Variants in ATRX observed in about 807,000 individuals in gnomAD.
The protein encoded by ATRX is chromatin remodeler ATRX.
Under a neutral mutation model 172.6 loss-of-function variants are expected in ATRX, and 12 were observed. The observed-to-expected ratio is 0.07, with a 90% CI of 0.04 to 0.11. ATRX has a LOEUF of 0.11. ATRX is among the 10% of genes least tolerant of loss of function. ATRX has a pLI of 1.00. For missense variants in ATRX, 1,368 were observed against 1,767.4 expected (o/e 0.77, Z 4.05); for synonymous variants, 674 against 594.7 (o/e 1.13, Z -1.94).
intron 1 of ATRX, among the ~76,000 whole-genome samples, chrX:77,754,934 A>G (rs1301365677): frequency 9.0e-6 from 1 of 111,636 alleles, no homozygotes; most frequent in East Asian, 2.8e-4. Flanking sequence ...GTGTTTTCCA[A>G]CTTGGGTCCA....
At chrX:77,774,474 G>A (rs1423977008) in intron 1 of ATRX, among the ~76,000 whole-genome samples, 2 of 110,889 alleles carry the variant, frequency 1.8e-5, no homozygotes, top group African/African-American at 3.3e-5. Context: ...TCAGGAGATC[G>A]AGACCATCCT....
At chrX:77,535,357 G>A (rs1344703193) in intron 30 of ATRX, among the ~76,000 whole-genome samples, 1 of 112,031 alleles carries the variant, frequency 8.9e-6, no homozygotes, top group African/African-American at 3.2e-5. Flanking sequence ...CTGCCAAAAT[G>A]ACTTAGGTGG....
chrX:77,726,623 A>T (rs1054322187), intron 1 of ATRX, among the ~76,000 whole-genome samples: 8 of 111,008 alleles, frequency 7.2e-5, no homozygotes, highest in Non-Finnish European at 1.3e-4. Context: ...AAAGTGTAAT[A>T]AAAAAAAATC....
At chrX:77,582,306 G>T (rs147929867) in intron 27 of ATRX, among the ~76,000 whole-genome samples, 1 of 108,811 alleles carries the variant, frequency 9.2e-6, no homozygotes, top group Non-Finnish European at 1.9e-5. Context: ...AGGCTGAGGC[G>T]GAAGAATCAT....
Position 77,688,827 on chromosome X carries a change from A to G in ATRX, c.585T>C (p.Leu195=). 1 of 1,197,141 alleles carries G rather than the reference A, an allele frequency of 8.4e-7. No homozygotes were observed. The highest frequency in any genetic ancestry group is 1.1e-6 in the Non-Finnish European group (1 of 882,300). The change falls in exon 7 of 35, where the codon CTT becomes CTC. Residue 195 remains leucine (L), a synonymous_variant. Transcript: ENST00000373344. ...SIYRHPSLQV[L]ICKNCFKYYM... ...ACAGATCATTACATACCTTACAAAT[A>G]AGAACTTGCAATGAAGGGTGTCTAT...
chrX:77,750,393 A>C (rs72628489), intron 1 of ATRX, among the ~76,000 whole-genome samples: 1 of 111,915 alleles, frequency 8.9e-6, no homozygotes, highest in Non-Finnish European at 1.9e-5. Context: ...ACACAAACGT[A>C]TAACACCACC....
Position 77,609,095 on chromosome X carries a change from G to A in ATRX, c.5566+7518C>T, listed in dbSNP as rs1334698378. ...ATCCAAAAGACAGACAAACGCTGGC[G>A]AGGAGGTGGAGAAAAGGGAACCCAC... On this transcript the variant is annotated intron_variant, in intron 22 of 34. Coordinates refer to ENST00000373344, the MANE Select transcript of ATRX (RefSeq NM_000489.6). 4.5e-5 allele frequency among the ~76,000 whole-genome samples: 5 copies of A among 111,781 alleles called. No homozygotes were observed. In the East Asian group the frequency reaches 1.4e-3, roughly 31 times the overall value.
chrX:77,774,510 G>A (rs946911060), intron 1 of ATRX, among the ~76,000 whole-genome samples: 5 of 110,197 alleles, frequency 4.5e-5, no homozygotes, highest in Non-Finnish European at 7.6e-5. Context: ...AACCCGTCTC[G>A]ACTAAAAATA....
At chrX:77,521,124 G>T (rs1557041209) in intron 33 of ATRX, 1 of 438,478 alleles carries the variant, frequency 2.3e-6, no homozygotes, top group African/African-American at 2.5e-5. Context: ...CAATAATTTA[G>T]ATTTAATTTG....
At chrX:77,710,429 TG>T (rs1471287608) in intron 2 of ATRX, among the ~76,000 whole-genome samples, 2 of 111,661 alleles carry the variant, frequency 1.8e-5, no homozygotes, top group Non-Finnish European at 3.8e-5. Flanking sequence ...TGCACTATTC[TG>T]GTTTATTCAC....
intron 1 of ATRX, among the ~76,000 whole-genome samples, chrX:77,750,998 ATG>A (rs1386293167): frequency 1.8e-5 from 2 of 112,029 alleles, no homozygotes; most frequent in South Asian, 3.7e-4. Flanking sequence ...ATACAGGTAC[ATG>A]TGTCTTTATA....
chrX:77,521,468 C>T lies in ATRX; in HGVS notation c.7006G>A (p.Val2336Ile). The change falls in exon 33 of 35, where the codon GTA (valine) becomes ATA (isoleucine). Residue 2336 changes from valine to isoleucine, a missense_variant. Physicochemically the swap from Val to Ile is conservative, Grantham distance 29. Around this residue, in one of 17 missense-constraint regions of ATRX, gnomAD observed 100 missense variants for 153.9 expected, o/e 0.65. Transcript: ENST00000373344. The part of the protein sequence containing the change: ...DLINQGREKV[V>I]EATNSVTAVR... ...GCTGTCACACTGTTTGTTGCTTCTA[C>T]AACTTTTTCTCTTCCTTGATTAATG... 4 of 1,208,600 alleles carry T rather than the reference C, an allele frequency of 3.3e-6. No individual in the cohort carries two copies. The highest frequency in any genetic ancestry group is 4.5e-6 in the Non-Finnish European group (4 of 892,912).
chrX:77,772,410 T>A (rs945210570), intron 1 of ATRX, among the ~76,000 whole-genome samples: 1 of 105,776 alleles, frequency 9.5e-6, no homozygotes, highest in African/African-American at 3.5e-5. Context: ...AGCAGAAGGA[T>A]TGCTTGAGGC....
intron 1 of ATRX, among the ~76,000 whole-genome samples, chrX:77,767,955 A>G (rs2076031957): frequency 8.9e-6 from 1 of 111,772 alleles, no homozygotes; most frequent in African/African-American, 3.3e-5. Flanking sequence ...AGCTAAAAGC[A>G]GTTTAAAATG....
At chrX:77,668,612 G>C (rs782775609) in intron 10 of ATRX, among the ~76,000 whole-genome samples, 3 of 111,452 alleles carry the variant, frequency 2.7e-5, no homozygotes, top group Non-Finnish European at 5.7e-5. Context: ...AGGGAGGGAA[G>C]GGAGAGGGGG....
chrX:77,537,957 T>C (rs1219231389), intron 30 of ATRX, among the ~76,000 whole-genome samples: 3 of 111,228 alleles, frequency 2.7e-5, no homozygotes, highest in Non-Finnish European at 5.6e-5. Flanking sequence ...ATGTGCATGT[T>C]CTCACTTATA....
chrX:77,730,060 T>C (rs782178720), intron 1 of ATRX, among the ~76,000 whole-genome samples: 3 of 112,355 alleles, frequency 2.7e-5, no homozygotes, highest in Non-Finnish European at 5.6e-5. Context: ...ATTCTGTTCA[T>C]ACCTGCTTTA....
At chrX:77,607,708 C>CAAAAA (rs35946932) in intron 22 of ATRX, among the ~76,000 whole-genome samples, 3 of 41,161 alleles carry the variant, frequency 7.3e-5, no homozygotes, top group African/African-American at 9.5e-5. Context: ...GACTCTGTCT[C>CAAAAA]AAAAAAAAAA....
chrX:77,637,107 A>T (rs2068422167), intron 15 of ATRX, among the ~76,000 whole-genome samples: 1 of 111,731 alleles, frequency 9.0e-6, no homozygotes, highest in African/African-American at 3.2e-5. Flanking sequence ...GTCCCAAACA[A>T]GAACTGTGCG....
Sources: allele counts gnomAD v4.1 joint callset (sites outside exome capture counted in the v4.1 genomes callset), GRCh38; gene constraint gnomAD v4.1.1; regional missense constraint gnomAD v4.1.1; transcripts MANE v1.5; gene names NCBI Gene and HGNC (gene_info 2026-07-23, HGNC 2026-07-21).